Variants in EDIL3 observed in about 807,000 individuals in gnomAD.
EDIL3 encodes the protein EGF-like repeat and discoidin I-like domain-containing protein 3.
A neutral mutation model predicts 67.4 loss-of-function variants in EDIL3; 37 were observed. The observed-to-expected ratio is 0.55, with a 90% confidence interval of 0.42 to 0.72. The LOEUF (loss-of-function observed/expected upper bound fraction) is 0.72. EDIL3 is among the 30% of genes least tolerant of loss of function. EDIL3 has a pLI of 0.00. For synonymous variants in EDIL3, 195 were observed against 196.3 expected (o/e 0.99, Z 0.05); for missense variants, 527 against 586.3 (o/e 0.90, Z 1.04).
At chr5:84,084,470 T>A (rs1047577868) in intron 6 of EDIL3, among the ~76,000 whole-genome samples, 5 of 152,200 alleles carry the variant, frequency 3.3e-5, no homozygotes, top group Admixed American at 3.3e-4. Flanking sequence ...AAGAATTGCA[T>A]CTGTAACACA....
At chr5:84,292,703 A>C (rs991841841) in intron 1 of EDIL3, among the ~76,000 whole-genome samples, 2 of 152,148 alleles carry the variant, frequency 1.3e-5, no homozygotes, top group African/African-American at 4.8e-5. Flanking sequence ...AGACTAAGGA[A>C]TTTATCAGAT....
At chr5:84,010,251 C>G (rs1355344418) in intron 9 of EDIL3, among the ~76,000 whole-genome samples, 1 of 152,158 alleles carries the variant, frequency 6.6e-6, no homozygotes, top group South Asian at 2.1e-4. Flanking sequence ...TTGTTTATAT[C>G]AAGTAACCTT....
intron 1 of EDIL3, among the ~76,000 whole-genome samples, chr5:84,305,031 C>T (rs547458763): frequency 6.6e-6 from 1 of 152,084 alleles, no homozygotes; most frequent in Non-Finnish European, 1.5e-5. Flanking sequence ...GAGGGCAAAC[C>T]ACTGCATTAG....
intron 9 of EDIL3, among the ~76,000 whole-genome samples, chr5:84,033,311 G>A (rs960395529): frequency 5.9e-5 from 9 of 152,096 alleles, no homozygotes; most frequent in African/African-American, 1.9e-4. Flanking sequence ...TGACCACTGA[G>A]GATTAGTAAT....
intron 5 of EDIL3, among the ~76,000 whole-genome samples, chr5:84,119,740 G>A (rs1272716785): frequency 6.6e-6 from 1 of 151,692 alleles, no homozygotes; most frequent in Non-Finnish European, 1.5e-5. Context: ...TTATCTTTAG[G>A]ATAAATGGAG....
intron 4 of EDIL3, among the ~76,000 whole-genome samples, chr5:84,169,989 A>G (rs1292000079): frequency 6.6e-6 from 1 of 152,214 alleles, no homozygotes; most frequent in Non-Finnish European, 1.5e-5. Context: ...GTTCTATGAC[A>G]GCAGAGACTT....
chr5:84,369,118 T>C (rs1259100600), intron 1 of EDIL3, among the ~76,000 whole-genome samples: 1 of 151,738 alleles, frequency 6.6e-6, no homozygotes, highest in Middle Eastern at 3.2e-3. Context: ...TCTGGGTATA[T>C]AACAAAGGAA....
In EDIL3 at chr5:84,287,175, T is replaced by C. The variant is rs180932215; in HGVS notation, c.68-32963A>G. 1.9e-3 allele frequency among the ~76,000 whole-genome samples: 292 copies of C among 152,308 alleles called. 6 individuals carry two copies. Among genetic ancestry groups the C allele is most frequent in the Admixed American group, 0.015 (235 of 15,282 alleles). On this transcript the variant is annotated intron_variant, in intron 1 of 10. Transcript: ENST00000296591. ...CATACGTTCTATTGAGCTAAAGCTGTATTTATCCACTTGCCTTATTTTCAT... is the reference window on the plus strand; with the variant it reads ...CATACGTTCTATTGAGCTAAAGCTGCATTTATCCACTTGCCTTATTTTCAT...
intron 6 of EDIL3, among the ~76,000 whole-genome samples, chr5:84,096,397 G>A (rs1297488248): frequency 6.6e-6 from 1 of 152,226 alleles, no homozygotes; most frequent in Non-Finnish European, 1.5e-5. Flanking sequence ...GCTTGACATG[G>A]ATGTGAGACA....
chr5:84,335,508 C>T (rs1746967055), intron 1 of EDIL3, among the ~76,000 whole-genome samples: 1 of 152,116 alleles, frequency 6.6e-6, no homozygotes. Flanking sequence ...TGTTGAGTAG[C>T]ACTATTCATT....
chr5:84,075,471 C>A lies in EDIL3; in HGVS notation c.652-8865G>T, dbSNP rs1056357148. On this transcript the variant is annotated intron_variant, in intron 6 of 10. Transcript: ENST00000296591. ...CCAAATTTGACAGGGGCTTCTTCTT[C>A]TTCTTCTTCTTCTTATTATTTTGAG... Among the ~76,000 whole-genome samples the A allele has an allele frequency of 1.6e-4, 25 of 151,810 alleles. 1 individual carries two copies. Among genetic ancestry groups the A allele is most frequent in the Admixed American group, 5.3e-4 (8 of 15,178 alleles).
At chr5:84,247,422 A>G (rs1045920905) in intron 2 of EDIL3, among the ~76,000 whole-genome samples, 1 of 152,138 alleles carries the variant, frequency 6.6e-6, no homozygotes, top group African/African-American at 2.4e-5. Context: ...CTATTATACT[A>G]CTTGATATTC....
chr5:84,343,296 G>A (rs963611071), intron 1 of EDIL3, among the ~76,000 whole-genome samples: 1 of 151,696 alleles, frequency 6.6e-6, no homozygotes, highest in Admixed American at 6.6e-5. Flanking sequence ...AATACTCACT[G>A]AGTTCAGTAC....
At chr5:84,305,012 G>T (rs931586207) in intron 1 of EDIL3, among the ~76,000 whole-genome samples, 3 of 152,166 alleles carry the variant, frequency 2.0e-5, no homozygotes. Flanking sequence ...GTAAATGTGA[G>T]GCTCTTGAGA....
chr5:84,092,835 G>A (rs559990447), intron 6 of EDIL3, among the ~76,000 whole-genome samples: 1 of 152,194 alleles, frequency 6.6e-6, no homozygotes, highest in Admixed American at 6.5e-5. Context: ...ACAGAAGTGG[G>A]ATAGGAGAAG....
chr5:84,052,777 C>T (rs1746366533), intron 9 of EDIL3, among the ~76,000 whole-genome samples: 1 of 152,178 alleles, frequency 6.6e-6, no homozygotes, highest in South Asian at 2.1e-4. Flanking sequence ...AATATATATG[C>T]ACCCAATACA....
intron 1 of EDIL3, among the ~76,000 whole-genome samples, chr5:84,374,910 CTG>C (rs1036324786): frequency 6.6e-6 from 1 of 151,954 alleles, no homozygotes; most frequent in African/African-American, 2.4e-5. Context: ...CCATGTGGAA[CTG>C]TGAGTCAATT....
chr5:83,979,289 G>C (rs546608196), intron 9 of EDIL3, among the ~76,000 whole-genome samples: 1 of 152,208 alleles, frequency 6.6e-6, no homozygotes, highest in South Asian at 2.1e-4. Flanking sequence ...GATAGAGCAA[G>C]AATAACTCCC....
Position 84,160,751 on chromosome 5 carries a change from TTTCCTTTC to T in EDIL3, c.355+19634_355+19641del, listed in dbSNP as rs1748590595. On this transcript the variant is annotated intron_variant, in intron 4 of 10. Coordinates refer to ENST00000296591, the MANE Select transcript of EDIL3 (RefSeq NM_005711.5). ...CTTTTTTTTCTTTTCTTTTCTTTCCTTTCCTTTCCTTTCCTTTCCTTTCCTTTCCTTTC... is the reference window on the plus strand; with the variant it reads ...CTTTTTTTTCTTTTCTTTTCTTTCCTCTTTCCTTTCCTTTCCTTTCCTTTC... Among the ~76,000 whole-genome samples, 4 of 16,458 alleles carry T rather than the reference TTTCCTTTC, an allele frequency of 2.4e-4. 1 individual carries two copies. The highest frequency in any genetic ancestry group is 6.6e-3 in the East Asian group (1 of 152). The allele number at this position is 16,458 out of a possible 152,430, so 10.8% of individuals were successfully genotyped here.
Sources: allele counts gnomAD v4.1 joint callset (sites outside exome capture counted in the v4.1 genomes callset), GRCh38; gene constraint gnomAD v4.1.1; transcripts MANE v1.5; gene names NCBI Gene and HGNC (gene_info 2026-07-23, HGNC 2026-07-21).